GOLIM4: variants seen among roughly 807,000 people sequenced by gnomAD.
GOLIM4 encodes 130 kDa golgi-localized phosphoprotein.
GOLIM4 carries 71 observed loss-of-function variants against 107.4 expected under a neutral mutation model. That is an observed-to-expected ratio of 0.66 (90% CI 0.55 to 0.81). The LOEUF is 0.81. Ranked by LOEUF, GOLIM4 falls within the 30% of genes least tolerant of loss-of-function variation. The pLI is 0.00. For missense variants in GOLIM4, 830 were observed against 826.1 expected, an observed-to-expected ratio of 1.00 and a Z score of -0.06; for synonymous variants, 327 against 294.8, an observed-to-expected ratio of 1.11 and a Z score of -1.12.
At chr3:168,044,995 TG>T in intron 3 of GOLIM4, 114 bp from the exon 4 acceptor site, 3 of 584,042 alleles carry the variant, frequency 5.1e-6, no homozygotes, top group Non-Finnish European at 8.7e-6. Flanking sequence ...TACAGTAAAA[TG>T]AATTCTACAT....
At chr3:168,065,133 T>A (rs554338764) in intron 1 of GOLIM4, among the ~76,000 whole-genome samples, 14 of 152,296 alleles carry the variant, frequency 9.2e-5, no homozygotes, top group Non-Finnish European at 1.6e-4. Flanking sequence ...TTCACCTTCT[T>A]TTTCCTCAGT....
At chr3:168,070,516 G>A (rs930760453) in intron 1 of GOLIM4, among the ~76,000 whole-genome samples, 25 of 152,212 alleles carry the variant, frequency 1.6e-4, no homozygotes, top group Admixed American at 5.9e-4. Flanking sequence ...TTCACACTGT[G>A]GCATCATTAA....
Position 168,010,410 on chromosome 3 carries a change from A to G in GOLIM4, c.1950T>C (p.Asp650=). The part of the protein sequence containing the change: ...TYGENDENTD[D]KNNDGEEQEV... Reference sequence around the variant, plus strand: ...CTTGCTCTTCTCCATCATTATTTTTATCATCAGTCTTAAAATTAAAAGAAA... The same window carrying G: ...CTTGCTCTTCTCCATCATTATTTTTGTCATCAGTCTTAAAATTAAAAGAAA... Residue 650 remains aspartate, a synonymous_variant, in exon 16 of 16, where the codon GAT becomes GAC. Coordinates refer to ENST00000470487, the MANE Select transcript of GOLIM4 (RefSeq NM_014498.5). 6.3e-7 allele frequency: 1 copy of G among 1,599,304 alleles called. No homozygotes were observed. The highest frequency in any genetic ancestry group is 1.1e-5 in the South Asian group (1 of 89,988).
Position 168,095,432 on chromosome 3 carries a change from G to C in GOLIM4, c.-147C>G. ...ACACAAAAGCCGGCCCGGAGGGGAA[G>C]TGGCGCCCGCTCAGCCCCCGCGCGG... On this transcript the variant is annotated 5_prime_UTR_variant, in exon 1 of 16. Coordinates refer to ENST00000470487, the MANE Select transcript of GOLIM4 (RefSeq NM_014498.5). The C allele has an allele frequency of 1.6e-6, 1 of 628,174 alleles. No individual in the cohort carries two copies. Among genetic ancestry groups the C allele is most frequent in the African/African-American group, 2.0e-5 (1 of 50,748 alleles). 38.9% of individuals were successfully genotyped at this position (628,174 alleles called of 1,614,324 possible). A position where few individuals can be genotyped will look rare whatever the true frequency, so the allele number is the denominator to read the frequency against.
At chr3:168,048,483 A>AC (rs1290738599) in intron 1 of GOLIM4, 118 bp from the exon 2 acceptor site, 4 of 600,480 alleles carry the variant, frequency 6.7e-6, no homozygotes, top group Non-Finnish European at 1.2e-5. Flanking sequence ...TTAAATAAAA[A>AC]CATATGTGTT....
intron 14 of GOLIM4, among the ~76,000 whole-genome samples, chr3:168,021,549 C>T (rs1390835776): frequency 6.6e-6 from 1 of 152,062 alleles, no homozygotes; most frequent in Non-Finnish European, 1.5e-5. Context: ...GTCTGTAATG[C>T]CAGCTACTCG....
intron 1 of GOLIM4, among the ~76,000 whole-genome samples, chr3:168,068,670 A>C (rs984151638): frequency 3.9e-5 from 6 of 152,004 alleles, no homozygotes; most frequent in Middle Eastern, 3.2e-3. Context: ...CATAAAAAGC[A>C]AAACAAAACA....
rs1408478768 is a variant in GOLIM4 at position 168,087,701 on chromosome 3, G to A, written c.187+7398C>T. Among the ~76,000 whole-genome samples the A allele has an allele frequency of 2.0e-5, 3 of 152,104 alleles. No individual in the cohort carries two copies. In the East Asian group the frequency reaches 5.8e-4, roughly 29 times the overall value. ...CTAAAATAATTTTGAGGGCAATGAT[G>A]CACTATGGAAAAAGTTACATTAGGT... On this transcript the variant is annotated intron_variant, in intron 1 of 15. Coordinates refer to ENST00000470487, the MANE Select transcript of GOLIM4 (RefSeq NM_014498.5).
At chr3:168,037,618 A>AT (rs1246793894) in intron 7 of GOLIM4, among the ~76,000 whole-genome samples, 1 of 152,020 alleles carries the variant, frequency 6.6e-6, no homozygotes, top group Non-Finnish European at 1.5e-5. Flanking sequence ...TATAGACTGG[A>AT]TTTTTTTATC....
chr3:168,029,686 C>T (rs955871453), intron 10 of GOLIM4, 94 bp downstream of exon 10: 103 of 1,456,640 alleles, frequency 7.1e-5, no homozygotes, highest in Non-Finnish European at 9.5e-5. Flanking sequence ...AGCCCCTTAA[C>T]TTCATGAATC....
At chr3:168,093,603 A>G (rs1428451843) in intron 1 of GOLIM4, among the ~76,000 whole-genome samples, 1 of 152,234 alleles carries the variant, frequency 6.6e-6, no homozygotes, top group Non-Finnish European at 1.5e-5. Flanking sequence ...ACAGGGAAGC[A>G]ACTGATACCT....
intron 5 of GOLIM4, among the ~76,000 whole-genome samples, chr3:168,042,095 A>G (rs1405250643): frequency 3.9e-5 from 6 of 152,176 alleles, no homozygotes; most frequent in Non-Finnish European, 7.3e-5. Context: ...ATCTTATACA[A>G]ATACAGTACA....
At chr3:168,040,326 G>A (rs1057424387) in intron 7 of GOLIM4, among the ~76,000 whole-genome samples, 3 of 152,098 alleles carry the variant, frequency 2.0e-5, no homozygotes, top group Non-Finnish European at 4.4e-5. Flanking sequence ...TCTGTAATTT[G>A]ACCAACAACA....
At chr3:168,010,496 GA>G in intron 15 of GOLIM4, 78 bp from the exon 16 acceptor site, 2 of 1,024,140 alleles carry the variant, frequency 2.0e-6, no homozygotes, top group Non-Finnish European at 1.4e-6. Flanking sequence ...AAAACAGGAT[GA>G]AAAATTACTC....
Position 168,095,188 on chromosome 3 carries a change from T to A in GOLIM4, c.98A>T (p.Tyr33Phe). The change falls in exon 1 of 16, where the codon TAC (tyrosine) becomes TTC (phenylalanine). Residue 33 changes from tyrosine to phenylalanine, a missense_variant. By Grantham distance (22) the Tyr-to-Phe change is conservative (BLOSUM62 3). Transcript: ENST00000470487. ...CCGCAGCTGCGTCTGCAGCTCGTAG[T>A]AGAGCATCGCGCCGTAGAGAAAGCC... ...VFGFLYGAML[Y>F]YELQTQLRKA... The A allele has an allele frequency of 1.9e-6, 3 of 1,613,720 alleles. No individual in the cohort carries two copies. Among genetic ancestry groups the A allele is most frequent in the Non-Finnish European group, 2.5e-6 (3 of 1,179,930 alleles).
In GOLIM4 at chr3:168,010,389, C is replaced by T; in HGVS notation, c.1971G>A (p.Glu657=). ...NTDDKNNDGE[E]QEVRDDNRPK... ...GGCGGTTGTCATCTCGAACTTCTTGCTCTTCTCCATCATTATTTTTATCAT... is the reference window on the plus strand; with the variant it reads ...GGCGGTTGTCATCTCGAACTTCTTGTTCTTCTCCATCATTATTTTTATCAT... Residue 657 remains glutamate (E), a synonymous_variant, in exon 16 of 16, where the codon GAG becomes GAA. Coordinates refer to ENST00000470487, the MANE Select transcript of GOLIM4 (RefSeq NM_014498.5). 1 of 1,609,456 alleles carries T rather than the reference C, an allele frequency of 6.2e-7. No individual in the cohort carries two copies. The highest frequency in any genetic ancestry group is 8.5e-7 in the Non-Finnish European group (1 of 1,176,350).
At chr3:168,089,142 G>T (rs546594514) in intron 1 of GOLIM4, among the ~76,000 whole-genome samples, 1 of 152,202 alleles carries the variant, frequency 6.6e-6, no homozygotes, top group Non-Finnish European at 1.5e-5. Context: ...TTTATTCAGG[G>T]AAGGAATTTA....
chr3:168,076,487 A>T (rs939973011), intron 1 of GOLIM4, among the ~76,000 whole-genome samples: 6 of 152,314 alleles, frequency 3.9e-5, no homozygotes, highest in Non-Finnish European at 7.3e-5. Flanking sequence ...AGGTCAAGAG[A>T]TTGAGACCAT....
chr3:168,016,785 C>A (rs1470021761), intron 14 of GOLIM4, among the ~76,000 whole-genome samples: 1 of 139,084 alleles, frequency 7.2e-6, no homozygotes, highest in Non-Finnish European at 1.5e-5. Context: ...AGTAAACTAT[C>A]GCAAGAACAA....
Sources: gnomAD v4.1 joint callset for allele counts (sites outside exome capture counted in the v4.1 genomes callset) on GRCh38, gnomAD v4.1.1 for gene constraint, MANE v1.5 for transcripts, NCBI Gene and HGNC (gene_info 2026-07-23, HGNC 2026-07-21) for gene names.